Variants in PDE3B observed in about 807,000 individuals in gnomAD.
PDE3B encodes phosphodiesterase 3B, also known as cGMP-inhibited 3',5'-cyclic phosphodiesterase 3B.
PDE3B carries 66 observed loss-of-function variants against 116.8 expected under a neutral mutation model. The ratio of observed to expected loss-of-function variants is 0.56; its 90% CI spans 0.46 to 0.69. PDE3B has a LOEUF of 0.69. Among genes scored for constraint, PDE3B ranks in the 30% least tolerant of loss-of-function variants. The probability of loss-of-function intolerance (pLI) is 0.00; values close to 1 mark genes in which losing one functional copy is unlikely to be tolerated. For synonymous variants in PDE3B, 595 were observed against 533.6 expected, an observed-to-expected ratio of 1.12 and a Z score of -1.59; for missense variants, 1,384 against 1,368.1, an observed-to-expected ratio of 1.01 and a Z score of -0.18.
chr11:14,897,609 C>A, the PDE3B span, among the ~76,000 whole-genome samples: 4 of 152,146 alleles, frequency 2.6e-5, no homozygotes, highest in African/African-American at 9.7e-5. Flanking sequence ...ATCTTCTGGT[C>A]TTCAGAAGGG....
At chr11:14,725,944 C>T (rs1033905126) in intron 1 of PDE3B, among the ~76,000 whole-genome samples, 2 of 152,038 alleles carry the variant, frequency 1.3e-5, no homozygotes, top group African/African-American at 4.8e-5. Context: ...CAATAATGCT[C>T]TATATGATCT....
chr11:14,756,258 G>A lies in PDE3B; in HGVS notation c.979-15679G>A, dbSNP rs927407963. Among the ~76,000 whole-genome samples, 9 of 152,226 alleles carry A rather than the reference G, an allele frequency of 5.9e-5. No individual in the cohort carries two copies. The South Asian group carries it at 1.9e-3, about 32-fold the overall frequency. On this transcript the variant is annotated intron_variant, in intron 1 of 15. Coordinates refer to ENST00000282096, the MANE Select transcript of PDE3B (RefSeq NM_000922.4). The stretch of plus-strand genomic sequence containing the variant: ...CAAGATATATTATAATCTAGTTGGG[G>A]AGTGTATCAGTCAGGGTCCCAGCAA...
chr11:14,666,893 A>G (rs1854172242), intron 1 of PDE3B, among the ~76,000 whole-genome samples: 1 of 152,206 alleles, frequency 6.6e-6, no homozygotes, highest in Non-Finnish European at 1.5e-5. Flanking sequence ...TCAGGGATCT[A>G]GAACTAGAAA....
At chr11:14,645,095 C>G (rs759789759) in intron 1 of PDE3B, 42 bp downstream of exon 1, 2 of 1,348,686 alleles carry the variant, frequency 1.5e-6, no homozygotes, top group Non-Finnish European at 1.9e-6. Flanking sequence ...CGAGCGGGTT[C>G]GGGTTTACCG....
At chr11:14,769,976 G>A (rs1857592871) in intron 1 of PDE3B, among the ~76,000 whole-genome samples, 1 of 151,196 alleles carries the variant, frequency 6.6e-6, no homozygotes, top group Non-Finnish European at 1.5e-5. Context: ...ACTACTCAAT[G>A]TTAAGAAACC....
chr11:14,852,971 T>C (rs1847782977), intron 12 of PDE3B, among the ~76,000 whole-genome samples: 1 of 151,460 alleles, frequency 6.6e-6, no homozygotes, highest in Non-Finnish European at 1.5e-5. Context: ...TAAAATGTTC[T>C]GCAAGGCCCT....
At position 14,754,136 on chromosome 11, in the gene PDE3B, A is replaced by G. The variant is rs531304945; in HGVS notation, c.979-17801A>G. Among the ~76,000 whole-genome samples the G allele has an allele frequency of 3.9e-5, 6 of 152,164 alleles. No individual in the cohort carries two copies. In the East Asian group the frequency reaches 1.2e-3, roughly 29 times the overall value. ...AGGCAAAAACTTTAAAAAATATTTC[A>G]TGGCATAGAGGGAGAATTAGTTCAC... is the stretch of plus-strand genomic sequence containing the variant. On this transcript the variant is annotated intron_variant, in intron 1 of 15. Transcript: ENST00000282096.
intron 1 of PDE3B, among the ~76,000 whole-genome samples, chr11:14,655,574 A>G (rs1456237639): frequency 2.0e-5 from 3 of 152,170 alleles, no homozygotes; most frequent in African/African-American, 7.2e-5. Flanking sequence ...AGGAGTTTAT[A>G]TCTAGTAGAC....
intron 12 of PDE3B, among the ~76,000 whole-genome samples, chr11:14,845,651 G>A (rs1847582552): frequency 6.6e-6 from 1 of 152,214 alleles, no homozygotes; most frequent in South Asian, 2.1e-4. Flanking sequence ...TAAAGGAGCT[G>A]ATGGAGCTGA....
At chr11:14,822,542 C>T (rs1016779337) in intron 7 of PDE3B, among the ~76,000 whole-genome samples, 1 of 152,182 alleles carries the variant, frequency 6.6e-6, no homozygotes, top group Non-Finnish European at 1.5e-5. Context: ...GTGGGCAACC[C>T]TGGGGACCCA....
intron 7 of PDE3B, among the ~76,000 whole-genome samples, chr11:14,823,667 T>C (rs1471289796): frequency 2.6e-5 from 4 of 151,762 alleles, no homozygotes; most frequent in Non-Finnish European, 4.4e-5. Context: ...CCCAGAGGGA[T>C]AGGGGGACTG....
chr11:14,683,140 A>T (rs1257982538), intron 1 of PDE3B, among the ~76,000 whole-genome samples: 1 of 151,994 alleles, frequency 6.6e-6, no homozygotes, highest in East Asian at 1.9e-4. Flanking sequence ...GGGTTTCTCC[A>T]TGTTGATCAG....
chr11:14,843,979 C>T lies in PDE3B; in HGVS notation c.2473C>T (p.His825Tyr). ...YVAAAMHDYDHPGRTNAFLVA... is the reference protein window; with the variant it reads ...YVAAAMHDYDYPGRTNAFLVA... ...GGCAGCTGCCATGCATGATTATGATCACCCAGGGAGGACAAATGCATTTCT... is the reference window on the plus strand; with the variant it reads ...GGCAGCTGCCATGCATGATTATGATTACCCAGGGAGGACAAATGCATTTCT... The change falls in exon 12 of 16, where the codon CAC becomes TAC. Residue 825 changes from histidine (H) to tyrosine (Y), a missense_variant. This residue lies in a region of PDE3B where 428 missense variants were observed against 561.4 expected (regional missense o/e 0.76). Transcript: ENST00000282096. 2.5e-6 allele frequency: 4 copies of T among 1,614,090 alleles called. No individual in the cohort carries two copies. Among genetic ancestry groups the T allele is most frequent in the Non-Finnish European group, 2.5e-6 (3 of 1,179,954 alleles).
the PDE3B span, among the ~76,000 whole-genome samples, chr11:14,898,157 C>T: frequency 6.6e-6 from 1 of 151,874 alleles, no homozygotes; most frequent in Non-Finnish European, 1.5e-5. Flanking sequence ...TAGGCTCCAG[C>T]AGAAGATGTG....
chr11:14,723,534 G>T (rs112238580), intron 1 of PDE3B, among the ~76,000 whole-genome samples: 1 of 152,020 alleles, frequency 6.6e-6, no homozygotes, highest in East Asian at 1.9e-4. Context: ...TGGGAGGATC[G>T]CCTGAGGCCA....
chr11:14,729,789 G>A (rs1565111924), intron 1 of PDE3B, among the ~76,000 whole-genome samples: 1 of 152,068 alleles, frequency 6.6e-6, no homozygotes, highest in Non-Finnish European at 1.5e-5. Context: ...TTAATGGAGT[G>A]TTCAAATACT....
intron 1 of PDE3B, among the ~76,000 whole-genome samples, chr11:14,766,895 A>G (rs188785755): frequency 6.6e-6 from 1 of 151,830 alleles, no homozygotes; most frequent in East Asian, 1.9e-4. Flanking sequence ...CTTGTCTGCT[A>G]TTCTTCCTCA....
intron 1 of PDE3B, among the ~76,000 whole-genome samples, chr11:14,678,483 C>T (rs567162675): frequency 6.6e-6 from 1 of 152,200 alleles, no homozygotes; most frequent in South Asian, 2.1e-4. Flanking sequence ...CTAGTAGTTC[C>T]ACATCCTGAC....
At chr11:14,690,414 A>G (rs1023278483) in intron 1 of PDE3B, among the ~76,000 whole-genome samples, 8 of 152,208 alleles carry the variant, frequency 5.3e-5, no homozygotes, top group Non-Finnish European at 1.5e-5. Flanking sequence ...AACCTTACAT[A>G]TAATTGCCAT....
Sources: allele counts gnomAD v4.1 joint callset (sites outside exome capture counted in the v4.1 genomes callset), GRCh38; gene constraint gnomAD v4.1.1; regional missense constraint gnomAD v4.1.1; transcripts MANE v1.5; gene names NCBI Gene and HGNC (gene_info 2026-07-23, HGNC 2026-07-21).